The following ADRA1A variants were observed in gnomAD, a reference collection of about 807,000 sequenced individuals.
The protein encoded by ADRA1A is alpha-1A adrenergic receptor.
Under a neutral mutation model 29.6 loss-of-function variants are expected in ADRA1A, and 31 were observed. The observed-to-expected ratio is 1.05, with a 90% CI of 0.79 to 1.41. The LOEUF (loss-of-function observed/expected upper bound fraction) is 1.41, where lower values mean the gene tolerates loss of function less well. ADRA1A is among the 40% of genes most tolerant of loss of function. The pLI, the probability that ADRA1A is intolerant of heterozygous loss-of-function variation, is 0.00. For missense variants in ADRA1A, 619 were observed against 601.1 expected (o/e 1.03, Z -0.31); for synonymous variants, 311 against 254.3 (o/e 1.22, Z -2.12).
intron 2 of ADRA1A, among the ~76,000 whole-genome samples, chr8:26,795,938 G>C (rs975502219): frequency 2.0e-5 from 3 of 152,020 alleles, no homozygotes; most frequent in Admixed American, 6.6e-5. Flanking sequence ...ATACTATATG[G>C]ACCTGATTTG....
chr8:26,795,719 AC>A (rs1808146514), intron 2 of ADRA1A, among the ~76,000 whole-genome samples: 1 of 152,294 alleles, frequency 6.6e-6, no homozygotes, highest in Non-Finnish European at 1.5e-5. Context: ...AAACAAACAG[AC>A]AAAGTGATAC....
At chr8:26,844,124 T>C (rs1812034575) in intron 2 of ADRA1A, among the ~76,000 whole-genome samples, 1 of 152,178 alleles carries the variant, frequency 6.6e-6, no homozygotes, top group Non-Finnish European at 1.5e-5. Flanking sequence ...TCATATGTTG[T>C]ATATTGTATA....
At chr8:26,765,285 G>A (rs372244020), downstream of ADRA1A, among the ~76,000 whole-genome samples, 167 of 152,336 alleles carry the variant, frequency 1.1e-3, no homozygotes, top group African/African-American at 3.9e-3. Flanking sequence ...CCACATTTGG[G>A]TCTGGGGAGC....
chr8:26,809,294 T>C (rs969028054), intron 2 of ADRA1A, among the ~76,000 whole-genome samples: 2 of 152,234 alleles, frequency 1.3e-5, no homozygotes, highest in Non-Finnish European at 2.9e-5. Context: ...CTCTATGTGT[T>C]ACTCTGTTCA....
rs1407039601 is a variant in ADRA1A at position 26,815,074 on chromosome 8, A to C, written c.884-44408T>G. Among the ~76,000 whole-genome samples, 1 of 152,192 alleles carries C rather than the reference A, an allele frequency of 6.6e-6. No individual in the cohort carries two copies. The highest frequency in any genetic ancestry group is 1.5e-5 in the Non-Finnish European group (1 of 68,030). The stretch of plus-strand genomic sequence containing the variant: ...TAACTCACTGTAGTAATTTAGAAAA[A>C]CATGTTTTATTTCTTTTATTGGTCA... On this transcript the variant is annotated intron_variant, in intron 2 of 2. Transcript: ENST00000380573. The surrounding 1 kb of genome is among the most constrained non-coding windows in gnomAD (Gnocchi z 4.2).
chr8:26,809,184 T>G (rs1458021038), intron 2 of ADRA1A, among the ~76,000 whole-genome samples: 3 of 152,166 alleles, frequency 2.0e-5, no homozygotes, highest in African/African-American at 7.2e-5. Context: ...CTAAACAAAC[T>G]TTACTGCCAA....
chr8:26,805,514 A>G lies in ADRA1A; in HGVS notation c.884-34848T>C, dbSNP rs774662045. 6.6e-6 allele frequency among the ~76,000 whole-genome samples: 1 copy of G among 152,184 alleles called. No individual in the cohort carries two copies. Among genetic ancestry groups the G allele is most frequent in the African/African-American group, 2.4e-5 (1 of 41,432 alleles). On this transcript the variant is annotated intron_variant, in intron 2 of 2. Transcript: ENST00000380573. This position sits in a 1 kb window ranked among gnomAD's most constrained non-coding sequence, Gnocchi z 4.8. ...GCCCAGTACTTTCGAAACGCTTTCC[A>G]TATATTAGCTCATTTAATTTTCCAA...
chr8:26,766,190 A>G (rs746107545), downstream of ADRA1A: 16 of 1,273,264 alleles, frequency 1.3e-5, no homozygotes, highest in Non-Finnish European at 1.8e-5. Flanking sequence ...GGTGAGTGAG[A>G]GTGAGTTATG....
chr8:26,785,544 T>C (rs1807312087), intron 2 of ADRA1A, among the ~76,000 whole-genome samples: 1 of 130,826 alleles, frequency 7.6e-6, no homozygotes, highest in African/African-American at 3.1e-5. Flanking sequence ...AATTGACACA[T>C]TGATTTTTTT....
chr8:26,846,958 C>T (rs1345641733), intron 2 of ADRA1A, among the ~76,000 whole-genome samples: 1 of 152,088 alleles, frequency 6.6e-6, no homozygotes, highest in Non-Finnish European at 1.5e-5. Context: ...TCTCAGGAAA[C>T]TATCGCAAGA....
intron 2 of ADRA1A, among the ~76,000 whole-genome samples, chr8:26,859,403 T>C (rs1004187613): frequency 6.6e-6 from 1 of 152,184 alleles, no homozygotes; most frequent in African/African-American, 2.4e-5. Context: ...CACAATGAAC[T>C]GCTATATTCC....
intron 2 of ADRA1A, among the ~76,000 whole-genome samples, chr8:26,801,557 A>T (rs1186960589): frequency 6.6e-6 from 1 of 152,204 alleles, no homozygotes. Flanking sequence ...AAACTTAACC[A>T]AAGAAGTGAA....
intron 2 of ADRA1A, among the ~76,000 whole-genome samples, chr8:26,760,369 G>A (rs1805439305): frequency 6.6e-6 from 1 of 152,150 alleles, no homozygotes. Context: ...AGTGGGAGGT[G>A]GTCTTCAGAA....
chr8:26,864,476 C>T lies in ADRA1A; in HGVS notation c.494G>A (p.Trp165Ter). The T allele has an allele frequency of 6.2e-7, 1 of 1,613,748 alleles. No homozygotes were observed. The highest frequency in any genetic ancestry group is 1.3e-5 in the African/African-American group (1 of 75,040). The change falls in exon 2 of 3, where the codon TGG (tryptophan) becomes TAG (stop). Residue 165 changes from tryptophan to a stop codon, truncating the protein, a stop_gained. Coordinates refer to ENST00000380573, the MANE Select transcript of ADRA1A (RefSeq NM_000680.4). LOFTEE classifies it high-confidence loss of function. This position sits in a 1 kb window ranked among gnomAD's most constrained non-coding sequence, Gnocchi z 8.1. ...CTCGTCCTCGGGGGCCGGCTGCCTC[C>T]AGCCGAACAGGGGTCCAATGGATAT... ...LVISIGPLFG[W>*]RQPAPEDETI...
intron 2 of ADRA1A, among the ~76,000 whole-genome samples, chr8:26,843,579 A>G (rs968220976): frequency 2.6e-5 from 4 of 152,252 alleles, no homozygotes. Flanking sequence ...AGTTAAAACT[A>G]TGTAGACAAA....
intron 2 of ADRA1A, among the ~76,000 whole-genome samples, chr8:26,771,122 T>C (rs1387132570): frequency 1.3e-5 from 2 of 152,268 alleles, no homozygotes; most frequent in African/African-American, 4.8e-5. Context: ...TCAGTGTTTA[T>C]GAATTCCTCC....
intron 2 of ADRA1A, among the ~76,000 whole-genome samples, chr8:26,842,337 C>T (rs1811874573): frequency 6.6e-6 from 1 of 152,148 alleles, no homozygotes; most frequent in South Asian, 2.1e-4. Flanking sequence ...ACTTAAACAC[C>T]ATCATTTCAG....
intron 2 of ADRA1A, among the ~76,000 whole-genome samples, chr8:26,843,877 A>C (rs1297642870): frequency 2.0e-5 from 3 of 152,232 alleles, no homozygotes; most frequent in Admixed American, 6.5e-5. Context: ...ACAGTGGTAA[A>C]GTGCTTAATA....
At chr8:26,788,854 A>T (rs1179965135) in intron 2 of ADRA1A, among the ~76,000 whole-genome samples, 1 of 152,172 alleles carries the variant, frequency 6.6e-6, no homozygotes, top group Non-Finnish European at 1.5e-5. Context: ...CCAAATTTTC[A>T]CTGGCAAAAT....
Sources: gnomAD v4.1 joint callset for allele counts (sites outside exome capture counted in the v4.1 genomes callset) on GRCh38, gnomAD v4.1.1 for gene constraint, Gnocchi (gnomAD v3.1) non-coding constraint, MANE v1.5 for transcripts, NCBI Gene and HGNC (gene_info 2026-07-23, HGNC 2026-07-21) for gene names.